The following MEGF8 variants were observed in gnomAD, a reference collection of about 807,000 sequenced individuals.
MEGF8 encodes the protein multiple epidermal growth factor-like domains protein 8.
In MEGF8, 156 loss-of-function variants were observed where a neutral mutation model predicts 302.9. The observed-to-expected ratio is 0.52, with a 90% CI of 0.45 to 0.59. The LOEUF (loss-of-function observed/expected upper bound fraction) is 0.59. Ranked by LOEUF, MEGF8 falls within the 20% of genes least tolerant of loss-of-function variation. The probability of loss-of-function intolerance (pLI) is 0.00; values close to 1 mark genes in which losing one functional copy is unlikely to be tolerated. For missense variants in MEGF8, 3,345 were observed against 3,964.5 expected, an observed-to-expected ratio of 0.84 and a Z score of 4.20; for synonymous variants, 1,621 against 1,660.5, an observed-to-expected ratio of 0.98 and a Z score of 0.58.
At position 42,353,151 on chromosome 19, in the gene MEGF8, C is replaced by T. The variant is rs769533456; in HGVS notation, c.3550+24C>T. 8 of 1,512,578 alleles carry T rather than the reference C, an allele frequency of 5.3e-6. No individual in the cohort carries two copies. In the South Asian group the frequency reaches 8.7e-5, roughly 16 times the overall value. The allele number at this position is 1,512,578 out of a possible 1,614,324, so 93.7% of individuals were successfully genotyped here. ...GGGTAAGCAGCCCTTGTCCTGGGCCCAGCCTGGACCCAGGGAGCCTCCTCC... is the reference window on the plus strand; with the variant it reads ...GGGTAAGCAGCCCTTGTCCTGGGCCTAGCCTGGACCCAGGGAGCCTCCTCC... On this transcript the variant is annotated intron_variant, in intron 20 of 41. Transcript: ENST00000251268. This position sits in a 1 kb window ranked among gnomAD's most constrained non-coding sequence, Gnocchi z 6.1.
intron 13 of MEGF8, 77 bp downstream of exon 13, chr19:42,348,549 T>C: frequency 1.5e-6 from 2 of 1,349,198 alleles, no homozygotes; most frequent in Admixed American, 2.8e-5. Context: ...GCATCTGTGG[T>C]GATTTGAAGG....
chr19:42,326,274 C>T lies in MEGF8; in HGVS notation c.31C>T (p.Leu11=). 6.4e-7 allele frequency: 1 copy of T among 1,554,920 alleles called. No individual in the cohort carries two copies. Among genetic ancestry groups the T allele is most frequent in the South Asian group, 1.2e-5 (1 of 83,058 alleles). Residue 11 remains leucine, a synonymous_variant, in exon 1 of 42, where the codon CTG becomes TTG. Transcript: ENST00000251268. Reference sequence around the variant, plus strand: ...CCTGGGCAAGGTTCTGGCCATGGCACTGGTTTTGGCCTTGGCCGTGCTGGG... The same window carrying T: ...CCTGGGCAAGGTTCTGGCCATGGCATTGGTTTTGGCCTTGGCCGTGCTGGG... The part of the protein sequence containing the change: MALGKVLAMA[L]VLALAVLGSL...
At position 42,351,856 on chromosome 19, in the gene MEGF8, C is replaced by T; in HGVS notation, c.3101+95C>T. The T allele has an allele frequency of 1.5e-5, 16 of 1,056,432 alleles. No homozygotes were observed. The South Asian group carries it at 2.0e-4, about 13-fold the overall frequency. 65.4% of individuals were successfully genotyped at this position (1,056,432 alleles called of 1,614,324 possible). A position where few individuals can be genotyped will look rare whatever the true frequency, so the allele number is the denominator to read the frequency against. ...GCCTCTTTGCTTCTCTGCCCTCTTG[C>T]CCATCCCATGGCCACCTTCCCTTTT... On this transcript the variant is annotated intron_variant, in intron 18 of 41. Coordinates refer to ENST00000251268, the MANE Select transcript of MEGF8 (RefSeq NM_001271938.2). The surrounding 1 kb of genome is among the most constrained non-coding windows in gnomAD (Gnocchi z 5.6).
Position 42,359,153 on chromosome 19 carries a change from T to C in MEGF8, c.5399T>C (p.Leu1800Pro). 6.3e-7 allele frequency: 1 copy of C among 1,595,388 alleles called. No individual in the cohort carries two copies. Among genetic ancestry groups the C allele is most frequent in the Non-Finnish European group, 8.5e-7 (1 of 1,171,522 alleles). The change falls in exon 31 of 42, where the codon CTT becomes CCT. Residue 1800 changes from leucine to proline, a missense_variant. Leu to Pro is a moderately conservative substitution (Grantham distance 98). Coordinates refer to ENST00000251268, the MANE Select transcript of MEGF8 (RefSeq NM_001271938.2). ...SALLGDTMVV[L>P]GGRSDPDEFS... ...CTGTTAGGGGACACCATGGTGGTTC[T>C]TGGGGGGCGCTCGGACCCTGACGAG...
intron 8 of MEGF8, among the ~76,000 whole-genome samples, 200 bp from the exon 9 acceptor site, chr19:42,343,277 A>T (rs2147462578): frequency 6.6e-6 from 1 of 152,234 alleles, no homozygotes; most frequent in Non-Finnish European, 1.5e-5. Context: ...GACCCTAAAG[A>T]TCAGAAAGAT....
At chr19:42,345,027 A>G (rs1362456125) in intron 12 of MEGF8, among the ~76,000 whole-genome samples, 194 bp downstream of exon 12, 1 of 152,152 alleles carries the variant, frequency 6.6e-6, no homozygotes, top group African/African-American at 2.4e-5. Context: ...GCTGAAGTGC[A>G]GTGGCGCAGT....
Position 42,375,864 on chromosome 19 carries a change from C to T in MEGF8, c.7627C>T (p.Pro2543Ser). The change falls in exon 42 of 42, where the codon CCC (proline) becomes TCC (serine). Residue 2543 changes from proline (P) to serine (S), a missense_variant. Coordinates refer to ENST00000251268, the MANE Select transcript of MEGF8 (RefSeq NM_001271938.2). The surrounding 1 kb of genome is among the most constrained non-coding windows in gnomAD (Gnocchi z 7.1). ...PPPPPPADGGPRGAGDPGGAG... is the reference protein window; with the variant it reads ...PPPPPPADGGSRGAGDPGGAG... ...TCCACCACCCCCTGCAGATGGTGGG[C>T]CCCGGGGGGCTGGGGATCCAGGAGG... is the stretch of plus-strand genomic sequence containing the variant. 6.2e-7 allele frequency: 1 copy of T among 1,607,138 alleles called. No individual in the cohort carries two copies. Among genetic ancestry groups the T allele is most frequent in the South Asian group, 1.1e-5 (1 of 90,384 alleles).
chr19:42,373,248 A>AC (rs2039717087), intron 41 of MEGF8, among the ~76,000 whole-genome samples: 1 of 147,664 alleles, frequency 6.8e-6, no homozygotes, highest in South Asian at 2.2e-4. Flanking sequence ...ACGTACCACC[A>AC]CCCCCCGCTA....
At chr19:42,331,192 G>A (rs988003460) in intron 1 of MEGF8, among the ~76,000 whole-genome samples, 1 of 152,236 alleles carries the variant, frequency 6.6e-6, no homozygotes, top group Non-Finnish European at 1.5e-5. Context: ...GCCTTTGTGG[G>A]TGGGGGGAAT....
Position 42,358,405 on chromosome 19 carries a change from T to C in MEGF8, c.5175+98T>C. 1.4e-6 allele frequency: 2 copies of C among 1,384,064 alleles called. No individual in the cohort carries two copies. Among genetic ancestry groups the C allele is most frequent in the Admixed American group, 2.9e-5 (1 of 35,040 alleles). 85.7% of individuals were successfully genotyped at this position (1,384,064 alleles called of 1,614,324 possible). On this transcript the variant is annotated intron_variant, in intron 29 of 41. Transcript: ENST00000251268. The surrounding 1 kb of genome is among the most constrained non-coding windows in gnomAD (Gnocchi z 4.4). Reference sequence around the variant, plus strand: ...GACTGGCTCCATCCCAGATTCCTGCTTCCCCTCCTTTCTATGTTCCCTAAC... The same window carrying C: ...GACTGGCTCCATCCCAGATTCCTGCCTCCCCTCCTTTCTATGTTCCCTAAC...
At chr19:42,367,913 C>T (rs1023746428) in intron 35 of MEGF8, among the ~76,000 whole-genome samples, 7 of 152,076 alleles carry the variant, frequency 4.6e-5, no homozygotes, top group East Asian at 1.9e-4. Context: ...CAAGTCTACG[C>T]GATCTTCCAG....
At chr19:42,328,084 T>C (rs2147437164) in intron 1 of MEGF8, among the ~76,000 whole-genome samples, 1 of 152,284 alleles carries the variant, frequency 6.6e-6, no homozygotes, top group African/African-American at 2.4e-5. Flanking sequence ...CGAGACTCCA[T>C]CTGAAACAAA....
Position 42,354,519 on chromosome 19 carries a change from C to T in MEGF8, c.4012-69C>T, listed in dbSNP as rs2039423516. ...ATTGCCCTCCCCTCTTGAACCCCTC[C>T]TCCTCCCAGACCCCAGGTGTCGTTC... On this transcript the variant is annotated intron_variant, in intron 22 of 41. Coordinates refer to ENST00000251268, the MANE Select transcript of MEGF8 (RefSeq NM_001271938.2). This position sits in a 1 kb window ranked among gnomAD's most constrained non-coding sequence, Gnocchi z 4.3. 4 of 1,540,950 alleles carry T rather than the reference C, an allele frequency of 2.6e-6. No individual in the cohort carries two copies. Among genetic ancestry groups the T allele is most frequent in the Non-Finnish European group, 3.5e-6 (4 of 1,136,486 alleles).
At chr19:42,342,703 G>T (rs2039231874) in intron 8 of MEGF8, among the ~76,000 whole-genome samples, 2 of 152,222 alleles carry the variant, frequency 1.3e-5, no homozygotes, top group Middle Eastern at 3.4e-3. Context: ...TTCAGGCTGG[G>T]CTGGATCTAG....
chr19:42,355,115 C>G (rs1316453055), intron 23 of MEGF8, among the ~76,000 whole-genome samples: 1 of 152,126 alleles, frequency 6.6e-6, no homozygotes, highest in Admixed American at 6.6e-5. Context: ...TGCCACCATG[C>G]CTGGCTAATT....
intron 1 of MEGF8, among the ~76,000 whole-genome samples, chr19:42,331,663 G>C (rs899482527): frequency 6.6e-6 from 1 of 151,484 alleles, no homozygotes; most frequent in African/African-American, 2.4e-5. Context: ...TCTGCCTCCC[G>C]GGTTCAAGAA....
Position 42,368,674 on chromosome 19 carries a change from T to A in MEGF8, c.6481+12T>A. On this transcript the variant is annotated intron_variant, in intron 36 of 41. Coordinates refer to ENST00000251268, the MANE Select transcript of MEGF8 (RefSeq NM_001271938.2). This position sits in a 1 kb window ranked among gnomAD's most constrained non-coding sequence, Gnocchi z 4.9. The stretch of plus-strand genomic sequence containing the variant: ...CGGCCCCCGTGATGGTGAGAGGGCT[T>A]TGGGCACTGGGGGAGAGGGGCTGGC... The A allele has an allele frequency of 6.5e-7, 1 of 1,536,880 alleles. No individual in the cohort carries two copies. Among genetic ancestry groups the A allele is most frequent in the Non-Finnish European group, 8.8e-7 (1 of 1,142,004 alleles).
chr19:42,341,456 A>AT (rs1277846213), intron 8 of MEGF8, among the ~76,000 whole-genome samples: 1 of 150,538 alleles, frequency 6.6e-6, no homozygotes, highest in African/African-American at 2.4e-5. Flanking sequence ...AAAAACACAC[A>AT]TAAAAACAGA....
rs775833160 is a variant in MEGF8, at chr19:42,334,058, G to A, written c.403G>A (p.Ala135Thr). 28 of 1,613,678 alleles carry A rather than the reference G, an allele frequency of 1.7e-5. No homozygotes were observed. Among genetic ancestry groups the A allele is most frequent in the South Asian group, 1.2e-4 (11 of 91,070 alleles). Residue 135 changes from alanine (A) to threonine (T), a missense_variant, in exon 3 of 42, where the codon GCC becomes ACC. Physicochemically the swap from Ala to Thr is moderately conservative, Grantham distance 58. Coordinates refer to ENST00000251268, the MANE Select transcript of MEGF8 (RefSeq NM_001271938.2). ...CAACTACAACCTGCTGGGCTTTAACGCCTCATTCCGCTTCTCCCTGTGCCC... is the reference window on the plus strand; with the variant it reads ...CAACTACAACCTGCTGGGCTTTAACACCTCATTCCGCTTCTCCCTGTGCCC... ...DANYNLLGFNASFRFSLCPGG... is the reference protein window; with the variant it reads ...DANYNLLGFNTSFRFSLCPGG...
Sources: allele counts gnomAD v4.1 joint callset (sites outside exome capture counted in the v4.1 genomes callset), GRCh38; gene constraint gnomAD v4.1.1; non-coding constraint Gnocchi (gnomAD v3.1); transcripts MANE v1.5; gene names NCBI Gene and HGNC (gene_info 2026-07-23, HGNC 2026-07-21).